Variants in NEBL observed in about 807,000 individuals in gnomAD.
NEBL encodes the protein LIM and SH3 protein 2.
A neutral mutation model predicts 140.2 loss-of-function variants in NEBL; 122 were observed. That is an observed-to-expected ratio of 0.87 (90% CI 0.75 to 1.01). The LOEUF (loss-of-function observed/expected upper bound fraction) is 1.01, where lower values mean the gene tolerates loss of function less well. NEBL is among the 50% of genes least tolerant of loss of function. The pLI is 0.00. For synonymous variants in NEBL, 436 were observed against 398.9 expected (o/e 1.09, Z -1.11); for missense variants, 1,365 against 1,231.3 (o/e 1.11, Z -1.62).
chr10:21,062,084 G>C (rs150712173), intron 2 of NEBL, among the ~76,000 whole-genome samples: 9 of 152,324 alleles, frequency 5.9e-5, no homozygotes, highest in Middle Eastern at 3.4e-3. Context: ...TTCTAGTCGT[G>C]TTCTGTGTGT....
chr10:21,027,412 C>T (rs1222730770), intron 2 of NEBL, among the ~76,000 whole-genome samples: 3 of 151,732 alleles, frequency 2.0e-5, no homozygotes, highest in Non-Finnish European at 4.4e-5. Context: ...ACCGCAGCCT[C>T]GACCTCCTGG....
At chr10:21,009,745 T>TA (rs1838263776) in intron 3 of NEBL, among the ~76,000 whole-genome samples, 1 of 152,240 alleles carries the variant, frequency 6.6e-6, no homozygotes, top group Non-Finnish European at 1.5e-5. Context: ...AGCCTGTTTT[T>TA]ATCCTTTTGC....
intron 8 of NEBL, among the ~76,000 whole-genome samples, chr10:20,858,618 C>T (rs929349694): frequency 1.1e-4 from 17 of 152,144 alleles, no homozygotes; most frequent in African/African-American, 4.1e-4. Context: ...CACAGTAACT[C>T]TGCTTTCAAA....
chr10:21,089,036 T>G (rs772745210), intron 2 of NEBL, among the ~76,000 whole-genome samples: 1 of 152,046 alleles, frequency 6.6e-6, no homozygotes, highest in African/African-American at 2.4e-5. Context: ...TGAGGAGAGA[T>G]GGTGCAGTGA....
At chr10:21,045,214 A>G (rs1834455613) in intron 2 of NEBL, among the ~76,000 whole-genome samples, 1 of 152,358 alleles carries the variant, frequency 6.6e-6, no homozygotes, top group South Asian at 2.1e-4. Flanking sequence ...AGGAAATACT[A>G]AAGTAAATTA....
At chr10:21,096,005 C>T (rs1273039541) in intron 2 of NEBL, among the ~76,000 whole-genome samples, 1 of 152,192 alleles carries the variant, frequency 6.6e-6, no homozygotes, top group Admixed American at 6.5e-5. Flanking sequence ...CTGGCTCTAA[C>T]ATTCGAAATG....
upstream of NEBL, among the ~76,000 whole-genome samples, chr10:20,900,699 T>C (rs1847827150): frequency 6.7e-6 from 1 of 149,324 alleles, no homozygotes; most frequent in African/African-American, 2.5e-5. Flanking sequence ...CCGAGTGTGA[T>C]GGCAGTAGAT....
intron 2 of NEBL, among the ~76,000 whole-genome samples, chr10:21,077,539 G>A (rs1225881930): frequency 6.6e-6 from 1 of 151,970 alleles, no homozygotes; most frequent in Non-Finnish European, 1.5e-5. Flanking sequence ...CCTGGGAGGT[G>A]GAGCTTGCAG....
At chr10:21,091,957 A>T (rs750683074) in intron 2 of NEBL, among the ~76,000 whole-genome samples, 1 of 152,200 alleles carries the variant, frequency 6.6e-6, no homozygotes, top group Non-Finnish European at 1.5e-5. Context: ...GTTTTTTCTC[A>T]TCTTGCATTT....
At chr10:20,859,301 A>G (rs554294709) in intron 8 of NEBL, among the ~76,000 whole-genome samples, 22 of 152,202 alleles carry the variant, frequency 1.4e-4, no homozygotes, top group African/African-American at 5.1e-4. Context: ...GAGGCATTAC[A>G]GTAAAATTTC....
chr10:20,876,795 G>A (rs1845542402), intron 5 of NEBL, among the ~76,000 whole-genome samples: 2 of 152,146 alleles, frequency 1.3e-5, no homozygotes, highest in Admixed American at 1.3e-4. Context: ...TAAGACTGAT[G>A]AGAACTAATA....
intron 4 of NEBL, among the ~76,000 whole-genome samples, chr10:20,927,639 T>C (rs73607552): frequency 0.011 from 1,747 of 152,290 alleles, 31 homozygotes; most frequent in African/African-American, 0.04. Flanking sequence ...CGTGTAAATA[T>C]CCTTTGCCAG....
At chr10:21,049,827 ACTGT>A (rs1252290939) in intron 2 of NEBL, among the ~76,000 whole-genome samples, 2 of 152,186 alleles carry the variant, frequency 1.3e-5, no homozygotes, top group African/African-American at 2.4e-5. Flanking sequence ...GGCAAAGTGA[ACTGT>A]CTATTACAGA....
chr10:21,273,785 G>C (rs781086928), intron 1 of NEBL, among the ~76,000 whole-genome samples: 1 of 152,260 alleles, frequency 6.6e-6, no homozygotes, highest in East Asian at 1.9e-4. Flanking sequence ...GGGACCAAAG[G>C]CTCCCAGGGT....
In NEBL at chr10:20,850,414, G is replaced by C; in HGVS notation, c.1097C>G (p.Ala366Gly). Residue 366 changes from alanine (A) to glycine (G), a missense_variant, in exon 11 of 28, where the codon GCT becomes GGT. By Grantham distance (60) the Ala-to-Gly change is moderately conservative. Around this residue, in one of 2 missense-constraint regions of NEBL, gnomAD observed 1,323 missense variants for 1,154.8 expected, o/e 1.15. Coordinates refer to ENST00000377122, the MANE Select transcript of NEBL (RefSeq NM_006393.3). Reference protein sequence around the residue: ...ETPSYQASKEAQKMQSEKVYK... With the variant: ...ETPSYQASKEGQKMQSEKVYK... ...ACCTACTTCACTTTGCATCTTTTGA[G>C]CCTCCTTTGAAGCTTGATATGATGG... 1 of 1,607,340 alleles carries C rather than the reference G, an allele frequency of 6.2e-7. No individual in the cohort carries two copies. The highest frequency in any genetic ancestry group is 8.5e-7 in the Non-Finnish European group (1 of 1,173,902).
intron 3 of NEBL, among the ~76,000 whole-genome samples, chr10:20,965,770 G>A (rs1218665728): frequency 1.3e-5 from 2 of 152,192 alleles, no homozygotes; most frequent in Admixed American, 6.5e-5. Context: ...GCAATATCCA[G>A]CCACCTCCCC....
intron 1 of NEBL, among the ~76,000 whole-genome samples, chr10:21,281,647 C>T (rs1842995627): frequency 1.3e-5 from 2 of 152,102 alleles, no homozygotes; most frequent in South Asian, 2.1e-4. Flanking sequence ...ACATTTGTTA[C>T]CTACATAAAC....
intron 2 of NEBL, among the ~76,000 whole-genome samples, chr10:21,151,021 C>T (rs1158778650): frequency 2.0e-5 from 3 of 152,134 alleles, no homozygotes; most frequent in Admixed American, 2.0e-4. Flanking sequence ...TAGGGCAATT[C>T]CCTGACCTCT....
chr10:21,235,519 T>C (rs111260487), intron 3 of NEBL, among the ~76,000 whole-genome samples: 1,768 of 152,246 alleles, frequency 0.012, 32 homozygotes, highest in African/African-American at 0.04. Context: ...TTCGCCATTA[T>C]GGACAGGCTG....
Sources: allele counts gnomAD v4.1 joint callset (sites outside exome capture counted in the v4.1 genomes callset), GRCh38; gene constraint gnomAD v4.1.1; regional missense constraint gnomAD v4.1.1; transcripts MANE v1.5; gene names NCBI Gene and HGNC (gene_info 2026-07-23, HGNC 2026-07-21).